Variants in PANK2 observed in about 807,000 individuals in gnomAD.
PANK2 encodes the protein pantothenate kinase 2, mitochondrial.
Under a neutral mutation model 43.1 loss-of-function variants are expected in PANK2, and 36 were observed. The observed-to-expected ratio is 0.84, with a 90% CI of 0.64 to 1.10. PANK2 has a LOEUF of 1.10. Among genes scored for constraint, PANK2 ranks in the 50% least tolerant of loss-of-function variants. The pLI, the probability that PANK2 is intolerant of heterozygous loss-of-function variation, is 0.00. For synonymous variants in PANK2, 281 were observed against 238.2 expected (o/e 1.18, Z -1.66); for missense variants, 576 against 593.3 (o/e 0.97, Z 0.30).
rs11468265 is a variant in PANK2 at position 3,902,972 on chromosome 20, G to GACACAC, written c.299-4913_299-4908dup. On this transcript the variant is annotated intron_variant, in intron 1 of 6. Transcript: ENST00000610179. ...CCATGAGTTTCGACAGATGTGTATA[G>GACACAC]ACACACACACACACACACACACACA... is the stretch of plus-strand genomic sequence containing the variant. Among the ~76,000 whole-genome samples, 529 of 141,418 alleles carry GACACAC rather than the reference G, an allele frequency of 3.7e-3. 3 individuals are homozygous for GACACAC. The highest frequency in any genetic ancestry group is 9.4e-3 in the African/African-American group (352 of 37,424). 92.8% of individuals were successfully genotyped at this position (141,418 alleles called of 152,430 possible). A position where few individuals can be genotyped will look rare whatever the true frequency, so the allele number is the denominator to read the frequency against.
intron 4 of PANK2, among the ~76,000 whole-genome samples, chr20:3,912,930 CAAAAAAAAAAAAAA>C (rs71331078): frequency 1.4e-5 from 1 of 71,472 alleles, no homozygotes; most frequent in East Asian, 5.3e-4. Flanking sequence ...GACTCTGTCT[CAAAAAAAAAAAAAA>C]AAAAAAAAAA....
rs11468265 is a variant in PANK2, at chr20:3,902,972, GACACACACACACACACACACACAC to G, written c.299-4931_299-4908del. Among the ~76,000 whole-genome samples, 65 of 141,434 alleles carry G rather than the reference GACACACACACACACACACACACAC, an allele frequency of 4.6e-4. 1 individual carries two copies. Among genetic ancestry groups the G allele is most frequent in the African/African-American group, 1.6e-3 (59 of 37,438 alleles). 92.8% of individuals were successfully genotyped at this position (141,434 alleles called of 152,430 possible). A position where few individuals can be genotyped will look rare whatever the true frequency, so the allele number is the denominator to read the frequency against. ...CCATGAGTTTCGACAGATGTGTATA[GACACACACACACACACACACACAC>G]ACACACACACACACACACACACCCC... On this transcript the variant is annotated intron_variant, in intron 1 of 6. Transcript: ENST00000610179.
chr20:3,889,753 C>G (rs1163245734), intron 1 of PANK2, 25 bp downstream of exon 1: 4 of 1,576,900 alleles, frequency 2.5e-6, no homozygotes, highest in Admixed American at 3.4e-5. Context: ...GGGCGCCCTC[C>G]CGGCCCGCCC....
At chr20:3,907,635 A>C (rs1200987858) in intron 1 of PANK2, among the ~76,000 whole-genome samples, 1 of 152,126 alleles carries the variant, frequency 6.6e-6, no homozygotes, top group African/African-American at 2.4e-5. Context: ...GCTTACGAGT[A>C]GTCATCTTGT....
At chr20:3,903,735 C>G (rs1275037442) in intron 1 of PANK2, among the ~76,000 whole-genome samples, 3 of 151,362 alleles carry the variant, frequency 2.0e-5, no homozygotes, top group African/African-American at 4.9e-5. Flanking sequence ...TCAAGCGATT[C>G]TGCTGCCTCA....
At chr20:3,897,067 G>A (rs1302734415) in intron 1 of PANK2, among the ~76,000 whole-genome samples, 1 of 152,180 alleles carries the variant, frequency 6.6e-6, no homozygotes, top group East Asian at 1.9e-4. Flanking sequence ...CGTTGGAATT[G>A]CATTGGAGGG....
rs2146888040 is a variant in PANK2 at position 3,916,993 on chromosome 20, T to C, written c.1149T>C (p.Thr383=). 2 of 1,614,114 alleles carry C rather than the reference T, an allele frequency of 1.2e-6. No homozygotes were observed. The highest frequency in any genetic ancestry group is 2.2e-5 in the East Asian group (1 of 44,878). Residue 383 remains threonine (T), a synonymous_variant, in exon 5 of 7, where the codon ACT becomes ACC. Coordinates refer to ENST00000610179, the MANE Select transcript of PANK2 (RefSeq NM_001386393.1). ...GTAAAGAGGACCTGGCCAGAGCGAC[T>C]TTGATCACCATCACCAACAACATTG...
Position 3,913,606 on chromosome 20 carries a change from ATT to A in PANK2, c.1082+973_1082+974del, listed in dbSNP as rs1568576860. On this transcript the variant is annotated intron_variant, in intron 4 of 6. Coordinates refer to ENST00000610179, the MANE Select transcript of PANK2 (RefSeq NM_001386393.1). ...CGCCTCAGCCTCCCAAAGTGCTAGG[ATT>A]ACAGGTGTGAGCCACCGCGCCCGGC... Among the ~76,000 whole-genome samples the A allele has an allele frequency of 9.3e-3, 1,417 of 152,100 alleles. 20 individuals are homozygous for A. The highest frequency in any genetic ancestry group is 0.033 in the African/African-American group (1,351 of 41,492).
intron 5 of PANK2, 106 bp from the exon 6 acceptor site, chr20:3,918,565 T>G: frequency 1.3e-6 from 2 of 1,499,098 alleles, no homozygotes; most frequent in South Asian, 2.3e-5. Flanking sequence ...TGATCAGCAG[T>G]CAAATTGTTG....
chr20:3,889,032 G>A (rs544935101), upstream of PANK2: 3 of 1,293,070 alleles, frequency 2.3e-6, no homozygotes, highest in African/African-American at 1.5e-5. Context: ...ACTCGGGGTC[G>A]CCCCAGGAGA....
chr20:3,909,745 A>G (rs949930052), intron 2 of PANK2, among the ~76,000 whole-genome samples: 1 of 150,810 alleles, frequency 6.6e-6, no homozygotes, highest in African/African-American at 2.4e-5. Context: ...GTGCACCACC[A>G]TACCCAGCTA....
At position 3,912,370 on chromosome 20, in the gene PANK2, G is replaced by A. The variant is rs1192814529; in HGVS notation, c.906-88G>A. The A allele has an allele frequency of 5.6e-6, 8 of 1,420,026 alleles. No individual in the cohort carries two copies. In the African/African-American group the frequency reaches 8.5e-5, roughly 15 times the overall value. The allele number at this position is 1,420,026 out of a possible 1,614,324, so 88.0% of individuals were successfully genotyped here. On this transcript the variant is annotated intron_variant, in intron 3 of 6. Coordinates refer to ENST00000610179, the MANE Select transcript of PANK2 (RefSeq NM_001386393.1). Reference sequence around the variant, plus strand: ...ATTTGCATGATTGGGTTGGATATGTGAATATGGTTTTGGGGTTCATAAATG... The same window carrying A: ...ATTTGCATGATTGGGTTGGATATGTAAATATGGTTTTGGGGTTCATAAATG...
At chr20:3,901,873 T>A (rs1431307405) in intron 1 of PANK2, among the ~76,000 whole-genome samples, 3 of 152,056 alleles carry the variant, frequency 2.0e-5, no homozygotes, top group African/African-American at 4.8e-5. Context: ...ATTTTCCTTA[T>A]AACTTTGAAG....
intron 5 of PANK2, among the ~76,000 whole-genome samples, chr20:3,918,363 T>G (rs199554671): frequency 1.0e-4 from 12 of 117,848 alleles, no homozygotes; most frequent in East Asian, 8.4e-4. Flanking sequence ...AGTCATACTG[T>G]TTTTTTTTGT....
intron 1 of PANK2, chr20:3,901,459 C>A: frequency 4.0e-6 from 1 of 251,384 alleles, no homozygotes; most frequent in Non-Finnish European, 6.3e-6. Flanking sequence ...TCTGGAGTTA[C>A]CTCTAAATTT....
chr20:3,903,002 C>T (rs1025953819), intron 1 of PANK2, among the ~76,000 whole-genome samples: 16 of 151,414 alleles, frequency 1.1e-4, no homozygotes, highest in African/African-American at 3.6e-4. Flanking sequence ...CACACACACA[C>T]ACACACACAC....
rs997092809 is a variant in PANK2, at chr20:3,927,435, AC to A, written c.*4142del. On this transcript the variant is annotated 3_prime_UTR_variant, in exon 7 of 7. Transcript: ENST00000610179. The stretch of plus-strand genomic sequence containing the variant: ...AATTAAATATACAAAAATATAGCTT[AC>A]AAAAAACTGCGAATGTTTAAAAATA... 7.9e-5 allele frequency: 12 copies of A among 152,346 alleles called. No homozygotes were observed. The highest frequency in any genetic ancestry group is 2.4e-4 in the African/African-American group (10 of 41,582). 9.4% of individuals were successfully genotyped at this position (152,346 alleles called of 1,614,324 possible). A position where few individuals can be genotyped will look rare whatever the true frequency, so the allele number is the denominator to read the frequency against.
intron 5 of PANK2, among the ~76,000 whole-genome samples, chr20:3,918,286 A>T (rs2090594135): frequency 6.6e-6 from 1 of 151,834 alleles, no homozygotes; most frequent in Middle Eastern, 3.2e-3. Flanking sequence ...TAGTGGTTTG[A>T]ATTTTTCGCT....
At chr20:3,916,380 G>A (rs1006249010) in intron 4 of PANK2, among the ~76,000 whole-genome samples, 8 of 152,202 alleles carry the variant, frequency 5.3e-5, no homozygotes, top group Admixed American at 5.2e-4. Context: ...TTGCTCGTTG[G>A]TCATCACTTC....
Sources: allele counts gnomAD v4.1 joint callset (sites outside exome capture counted in the v4.1 genomes callset), GRCh38; gene constraint gnomAD v4.1.1; transcripts MANE v1.5; gene names NCBI Gene and HGNC (gene_info 2026-07-23, HGNC 2026-07-21).